Variants in PTPRT observed in about 807,000 individuals in gnomAD.
The protein encoded by PTPRT is protein tyrosine phosphatase receptor type T.
A neutral mutation model predicts 176.8 loss-of-function variants in PTPRT; 56 were observed. That is an observed-to-expected ratio of 0.32 (90% CI 0.26 to 0.40). PTPRT has a LOEUF of 0.40. Ranked by LOEUF, PTPRT falls within the 10% of genes least tolerant of loss-of-function variation. The pLI is 1.00. For synonymous variants in PTPRT, 783 were observed against 739.0 expected, an observed-to-expected ratio of 1.06 and a Z score of -0.96; for missense variants, 1,540 against 1,908.2, an observed-to-expected ratio of 0.81 and a Z score of 3.60.
intron 16 of PTPRT, among the ~76,000 whole-genome samples, chr20:42,192,130 T>C (rs184330006): frequency 6.6e-6 from 1 of 152,258 alleles, no homozygotes; most frequent in South Asian, 2.1e-4. Flanking sequence ...GCAAAATGAC[T>C]GACCCAGAGA....
At chr20:43,165,409 C>T (rs899391566) in intron 1 of PTPRT, among the ~76,000 whole-genome samples, 26 of 152,130 alleles carry the variant, frequency 1.7e-4, no homozygotes, top group African/African-American at 4.6e-4. Flanking sequence ...GTGATCCACC[C>T]GACTCGGCCT....
intron 1 of PTPRT, among the ~76,000 whole-genome samples, chr20:42,989,793 T>A (rs1284864559): frequency 6.6e-6 from 1 of 152,216 alleles, no homozygotes; most frequent in Non-Finnish European, 1.5e-5. Context: ...CTGGGAAAAT[T>A]GATGATTATA....
chr20:42,369,794 G>A (rs913967069), intron 9 of PTPRT, among the ~76,000 whole-genome samples: 3 of 152,208 alleles, frequency 2.0e-5, no homozygotes, highest in African/African-American at 7.2e-5. Flanking sequence ...GTTTCCAATT[G>A]TATGTCCATG....
intron 6 of PTPRT, among the ~76,000 whole-genome samples, chr20:42,736,214 A>G (rs1452436031): frequency 2.6e-5 from 4 of 152,210 alleles, no homozygotes; most frequent in Non-Finnish European, 5.9e-5. Context: ...CCTGCAGGGA[A>G]AATACATGGG....
At chr20:42,217,862 A>C (rs565629064) in intron 15 of PTPRT, among the ~76,000 whole-genome samples, 1 of 152,372 alleles carries the variant, frequency 6.6e-6, no homozygotes, top group South Asian at 2.1e-4. Flanking sequence ...CATTTAGCAG[A>C]TACTACCATG....
chr20:43,161,042 C>T (rs1181902456), intron 1 of PTPRT, among the ~76,000 whole-genome samples: 1 of 152,176 alleles, frequency 6.6e-6, no homozygotes, highest in Non-Finnish European at 1.5e-5. Flanking sequence ...CCATGAGCCA[C>T]TGTGTCCAGC....
intron 1 of PTPRT, chr20:42,971,540 T>G (rs967517672): frequency 1.2e-4 from 18 of 152,236 alleles, no homozygotes; most frequent in Non-Finnish European, 2.4e-4. Flanking sequence ...CTTCCATTTT[T>G]TTTTCATTCT....
intron 2 of PTPRT, among the ~76,000 whole-genome samples, chr20:42,848,541 A>C (rs1337515039): frequency 6.6e-6 from 1 of 152,202 alleles, no homozygotes; most frequent in Non-Finnish European, 1.5e-5. Flanking sequence ...GTGGTAACAC[A>C]CTGTGGTTTT....
intron 6 of PTPRT, among the ~76,000 whole-genome samples, chr20:42,740,067 G>T (rs1313220518): frequency 6.6e-6 from 1 of 152,188 alleles, no homozygotes; most frequent in Non-Finnish European, 1.5e-5. Flanking sequence ...GCTCAACCCT[G>T]TCAGGGATAG....
intron 7 of PTPRT, among the ~76,000 whole-genome samples, chr20:42,655,734 G>T (rs954830820): frequency 6.6e-6 from 1 of 151,812 alleles, no homozygotes; most frequent in Admixed American, 6.6e-5. Context: ...TGACTCTCAG[G>T]TTTCTGATCT....
chr20:42,863,120 G>T (rs2078689572), intron 2 of PTPRT, among the ~76,000 whole-genome samples: 1 of 152,192 alleles, frequency 6.6e-6, no homozygotes, highest in South Asian at 2.1e-4. Flanking sequence ...CAGAGCCAGG[G>T]TTCAAACCTA....
intron 9 of PTPRT, among the ~76,000 whole-genome samples, chr20:42,396,829 AC>A (rs1206406648): frequency 1.3e-5 from 2 of 152,156 alleles, no homozygotes; most frequent in African/African-American, 4.8e-5. Flanking sequence ...AAGTGCTGGG[AC>A]TATAGGCGTG....
At chr20:42,782,927 C>G (rs974884267) in intron 3 of PTPRT, among the ~76,000 whole-genome samples, 5 of 152,132 alleles carry the variant, frequency 3.3e-5, no homozygotes, top group Non-Finnish European at 5.9e-5. Context: ...TAATCTATGT[C>G]TTAGACTTTG....
chr20:42,918,348 G>C (rs1978917437), intron 1 of PTPRT, among the ~76,000 whole-genome samples: 1 of 152,172 alleles, frequency 6.6e-6, no homozygotes, highest in Non-Finnish European at 1.5e-5. Context: ...GCTTAGATAA[G>C]ACTTGTGGAT....
At chr20:42,915,983 C>T (rs1978718270) in intron 1 of PTPRT, among the ~76,000 whole-genome samples, 1 of 151,876 alleles carries the variant, frequency 6.6e-6, no homozygotes, top group Non-Finnish European at 1.5e-5. Flanking sequence ...TATTATTATA[C>T]TTTAAGTTTT....
chr20:42,191,106 A>G (rs1181847940), intron 16 of PTPRT, among the ~76,000 whole-genome samples: 1 of 152,090 alleles, frequency 6.6e-6, no homozygotes, highest in East Asian at 1.9e-4. Flanking sequence ...AATATTAACA[A>G]TGTAGTAATT....
intron 6 of PTPRT, among the ~76,000 whole-genome samples, chr20:42,692,210 G>T (rs572177478): frequency 6.6e-6 from 1 of 152,302 alleles, no homozygotes; most frequent in African/African-American, 2.4e-5. Flanking sequence ...ACAAGCCCAG[G>T]ATAGCTTTCA....
At chr20:42,335,902 C>T (rs1173801646) in intron 11 of PTPRT, among the ~76,000 whole-genome samples, 1 of 152,126 alleles carries the variant, frequency 6.6e-6, no homozygotes, top group East Asian at 1.9e-4. Context: ...GACTGTGGGG[C>T]TAGACCATTA....
chr20:42,736,610 G>A (rs6030450), intron 6 of PTPRT, among the ~76,000 whole-genome samples: 112,571 of 152,108 alleles, frequency 0.74, 41,944 homozygotes, highest in East Asian at 0.93. Context: ...AACAAGGGTG[G>A]TGGCATTGGG....
Sources: allele counts gnomAD v4.1 joint callset (sites outside exome capture counted in the v4.1 genomes callset), GRCh38; gene constraint gnomAD v4.1.1; transcripts MANE v1.5; gene names NCBI Gene and HGNC (gene_info 2026-07-23, HGNC 2026-07-21).